Variants in MBD3 observed in about 807,000 individuals in gnomAD.
MBD3 encodes methyl-CpG-binding domain protein 3.
MBD3 carries 13 observed loss-of-function variants against 31.2 expected under a neutral mutation model. That is an observed-to-expected ratio of 0.42 (90% CI 0.27 to 0.66). The LOEUF (loss-of-function observed/expected upper bound fraction) is 0.66, where lower values mean the gene tolerates loss of function less well. MBD3 is among the 30% of genes least tolerant of loss of function. The probability of loss-of-function intolerance (pLI) is 0.26; values close to 1 mark genes in which losing one functional copy is unlikely to be tolerated. For synonymous variants in MBD3, 223 were observed against 187.4 expected (o/e 1.19, Z -1.55); for missense variants, 440 against 426.5 (o/e 1.03, Z -0.28).
chr19:1,580,570 G>A (rs771255068), intron 5 of MBD3, among the ~76,000 whole-genome samples: 21 of 152,342 alleles, frequency 1.4e-4, no homozygotes, highest in Non-Finnish European at 1.6e-4. Flanking sequence ...GTCACCAGGC[G>A]GCCTTGCGTC....
At chr19:1,581,331 G>A (rs1917349791) in intron 4 of MBD3, 62 bp from the exon 5 acceptor site, 3 of 1,535,260 alleles carry the variant, frequency 2.0e-6, no homozygotes, top group Non-Finnish European at 2.6e-6. Flanking sequence ...CTGTGGCCCA[G>A]ACAGGCCACG....
At chr19:1,587,392 C>T (rs1395039980) in intron 1 of MBD3, among the ~76,000 whole-genome samples, 1 of 151,928 alleles carries the variant, frequency 6.6e-6, no homozygotes. Flanking sequence ...AGTCATCACG[C>T]CCTGCTGCTT....
rs781053291 is a variant in MBD3, at chr19:1,592,511, C to G, written c.110+11G>C. On this transcript the variant is annotated intron_variant, in intron 1 of 6. Coordinates refer to ENST00000434436, the MANE Select transcript of MBD3 (RefSeq NM_001281453.2). ...CCGTTGAGGCCCTGCGCGGCCGGCGCGCTCATTCACCTATAGTAAAAGACA... is the reference window on the plus strand; with the variant it reads ...CCGTTGAGGCCCTGCGCGGCCGGCGGGCTCATTCACCTATAGTAAAAGACA... 3 of 1,379,732 alleles carry G rather than the reference C, an allele frequency of 2.2e-6. No individual in the cohort carries two copies. Among genetic ancestry groups the G allele is most frequent in the African/African-American group, 1.5e-5 (1 of 65,168 alleles). The allele number at this position is 1,379,732 out of a possible 1,614,324, so 85.5% of individuals were successfully genotyped here.
Position 1,575,082 on chromosome 19 carries a change from G to C in MBD3, c.*3082C>G, listed in dbSNP as rs1177760537. ...GGTACCCTCTGTGGCGGCAGCGGTG[G>C]GGAGCTTGGTCTGAGGGGAGGCGGG... On this transcript the variant is annotated 3_prime_UTR_variant, in exon 7 of 7. Transcript: ENST00000434436. 1.6e-5 allele frequency: 6 copies of C among 378,504 alleles called. No individual in the cohort carries two copies. The highest frequency in any genetic ancestry group is 3.7e-4 in the Middle Eastern group (1 of 2,702). The allele number at this position is 378,504 out of a possible 1,614,324, so 23.4% of individuals were successfully genotyped here.
chr19:1,588,984 C>T (rs992561599), intron 1 of MBD3, among the ~76,000 whole-genome samples: 1 of 152,064 alleles, frequency 6.6e-6, no homozygotes, highest in Non-Finnish European at 1.5e-5. Flanking sequence ...ACCATTGACT[C>T]GTGCACTTTA....
chr19:1,590,756 T>C (rs543131516), intron 1 of MBD3, among the ~76,000 whole-genome samples: 1 of 152,238 alleles, frequency 6.6e-6, no homozygotes, highest in Admixed American at 6.5e-5. Context: ...ACCACACGTA[T>C]AGAAAAAAGT....
intron 1 of MBD3, among the ~76,000 whole-genome samples, chr19:1,587,500 G>C (rs1725290880): frequency 6.6e-6 from 1 of 151,866 alleles, no homozygotes; most frequent in South Asian, 2.1e-4. Flanking sequence ...CTGCAGCCTT[G>C]ACCTCCTGGA....
Position 1,581,172 on chromosome 19 carries a change from G to T in MBD3, c.597C>A (p.Ala199=), listed in dbSNP as rs559906106. 6.2e-7 allele frequency: 1 copy of T among 1,614,112 alleles called. No homozygotes were observed. Among genetic ancestry groups the T allele is most frequent in the Non-Finnish European group, 8.5e-7 (1 of 1,180,036 alleles). ...TMPITGQLSA[A]VEKNPGVWLN... is the part of the protein sequence containing the mutation. ...GCCATACGCCGGGGTTCTTCTCCAC[G>T]GCGGCCGAGAGCTGTCCCGTGATGG... The change falls in exon 5 of 7, where the codon GCC becomes GCA. Residue 199 remains alanine (A), a synonymous_variant. Coordinates refer to ENST00000434436, the MANE Select transcript of MBD3 (RefSeq NM_001281453.2).
intron 3 of MBD3, among the ~76,000 whole-genome samples, chr19:1,584,037 G>A (rs935416378): frequency 1.3e-5 from 2 of 151,894 alleles, no homozygotes; most frequent in African/African-American, 4.8e-5. Flanking sequence ...GGGTCAGCCT[G>A]GTCTCAAACT....
At chr19:1,589,668 TAATG>T (rs985062297) in intron 1 of MBD3, among the ~76,000 whole-genome samples, 3 of 151,628 alleles carry the variant, frequency 2.0e-5, no homozygotes, top group African/African-American at 4.8e-5. Context: ...AAATAAATAA[TAATG>T]AACATAAAAA....
chr19:1,584,584 T>C lies in MBD3; in HGVS notation c.364A>G (p.Lys122Glu). ...VTKITNHPSN[K>E]VKSDPQKAVD... ...GCCTTCTGCGGGTCGCTCTTGACCT[T>C]GTTGCTGGGGTGGTTGGTAATCTTG... Residue 122 changes from lysine to glutamate, a missense_variant, in exon 3 of 7, where the codon AAG (lysine) becomes GAG (glutamate). By Grantham distance (56) the Lys-to-Glu change is moderately conservative (BLOSUM62 1). This residue lies in a region of MBD3 where 144 missense variants were observed against 196.9 expected (regional missense o/e 0.73). Coordinates refer to ENST00000434436, the MANE Select transcript of MBD3 (RefSeq NM_001281453.2). 1 of 1,613,884 alleles carries C rather than the reference T, an allele frequency of 6.2e-7. No individual in the cohort carries two copies. The highest frequency in any genetic ancestry group is 8.5e-7 in the Non-Finnish European group (1 of 1,179,918).
At position 1,575,569 on chromosome 19, in the gene MBD3, C is replaced by A. The variant is rs1916340353; in HGVS notation, c.*2595G>T. ...AGCATTGGGAGCTCAGGCTTCCCCG[C>A]CCCATGCCAGGTCTGGGTTCTGGGG... On this transcript the variant is annotated 3_prime_UTR_variant, in exon 7 of 7. Coordinates refer to ENST00000434436, the MANE Select transcript of MBD3 (RefSeq NM_001281453.2). 5.3e-6 allele frequency: 1 copy of A among 189,372 alleles called. No homozygotes were observed. The highest frequency in any genetic ancestry group is 2.4e-5 in the African/African-American group (1 of 41,892). 11.7% of individuals were successfully genotyped at this position (189,372 alleles called of 1,614,324 possible). A position where few individuals can be genotyped will look rare whatever the true frequency, so the allele number is the denominator to read the frequency against.
intron 1 of MBD3, among the ~76,000 whole-genome samples, chr19:1,588,239 G>T (rs1363132380): frequency 6.6e-6 from 1 of 152,152 alleles, no homozygotes; most frequent in Non-Finnish European, 1.5e-5. Flanking sequence ...AGTGCCTGGG[G>T]GTCTGAAACC....
Position 1,574,400 on chromosome 19 carries a change from T to A in MBD3, c.*3764A>T, listed in dbSNP as rs368640637. On this transcript the variant is annotated 3_prime_UTR_variant, in exon 7 of 7. Coordinates refer to ENST00000434436, the MANE Select transcript of MBD3 (RefSeq NM_001281453.2). Reference sequence around the variant, plus strand: ...CAGTCACTGGCACCCACGTGTCCCCTTCCTGTCTCTGAATCGGCCTGTCCT... The same window carrying A: ...CAGTCACTGGCACCCACGTGTCCCCATCCTGTCTCTGAATCGGCCTGTCCT... 139 of 152,410 alleles carry A rather than the reference T, an allele frequency of 9.1e-4. 4 individuals carry two copies. The South Asian group carries it at 0.028, about 30-fold the overall frequency. 9.4% of individuals were successfully genotyped at this position (152,410 alleles called of 1,614,324 possible).
chr19:1,592,624 CG>C lies in MBD3; in HGVS notation c.7del (p.Arg3GlyfsTer57). 7.5e-7 allele frequency: 1 copy of C among 1,325,726 alleles called. No individual in the cohort carries two copies. 82.1% of individuals were successfully genotyped at this position (1,325,726 alleles called of 1,614,324 possible). A position where few individuals can be genotyped will look rare whatever the true frequency, so the allele number is the denominator to read the frequency against. On this transcript the variant is annotated frameshift_variant, in exon 1 of 7. Transcript: ENST00000434436. LOFTEE classifies it high-confidence loss of function. Reference sequence around the variant, plus strand: ...GAGCGCCGGGCACTCCCACCTCTTCCGCTCCATTGCGCCCGGCTCCTCGGCC... The same window carrying C: ...GAGCGCCGGGCACTCCCACCTCTTCCCTCCATTGCGCCCGGCTCCTCGGCC... ME[R>X]KRWECPALPQ...
Position 1,585,292 on chromosome 19 carries a change from C to A in MBD3, c.111-78G>T, listed in dbSNP as rs2060673998. On this transcript the variant is annotated intron_variant, in intron 1 of 6. Transcript: ENST00000434436. The surrounding 1 kb of genome is among the most constrained non-coding windows in gnomAD (Gnocchi z 4.1). ...CAGGCCTCGGCCGCAGACCCAAACC[C>A]AGTCCCAGCCCCAGCTTCAGGTCGC... 1 of 1,479,670 alleles carries A rather than the reference C, an allele frequency of 6.8e-7. No individual in the cohort carries two copies. Among genetic ancestry groups the A allele is most frequent in the South Asian group, 1.2e-5 (1 of 81,430 alleles). The allele number at this position is 1,479,670 out of a possible 1,614,324, so 91.7% of individuals were successfully genotyped here.
intron 5 of MBD3, among the ~76,000 whole-genome samples, chr19:1,579,141 G>A (rs894260098): frequency 3.1e-5 from 4 of 131,122 alleles, no homozygotes; most frequent in African/African-American, 5.9e-5. Context: ...CTGGGATGGC[G>A]CCATTGCACT....
At chr19:1,588,657 T>C (rs953767095) in intron 1 of MBD3, among the ~76,000 whole-genome samples, 1 of 151,518 alleles carries the variant, frequency 6.6e-6, no homozygotes, top group Non-Finnish European at 1.5e-5. Flanking sequence ...GGCACGTGCC[T>C]ATAGTCCCAG....
rs1228440797 is a variant in MBD3 at position 1,585,020 on chromosome 19, C to T, written c.270+35G>A. 6.2e-7 allele frequency: 1 copy of T among 1,606,434 alleles called. No individual in the cohort carries two copies. The highest frequency in any genetic ancestry group is 1.1e-5 in the South Asian group (1 of 90,888). On this transcript the variant is annotated intron_variant, in intron 2 of 6. Transcript: ENST00000434436. This position sits in a 1 kb window ranked among gnomAD's most constrained non-coding sequence, Gnocchi z 4.1. ...GGCCGCGTCCCCGCCTAGAACGCCCCGCGCCGACGTCACCTGCGTGACGCC... is the reference window on the plus strand; with the variant it reads ...GGCCGCGTCCCCGCCTAGAACGCCCTGCGCCGACGTCACCTGCGTGACGCC...
Sources: allele counts gnomAD v4.1 joint callset (sites outside exome capture counted in the v4.1 genomes callset), GRCh38; gene constraint gnomAD v4.1.1; regional missense constraint gnomAD v4.1.1; non-coding constraint Gnocchi (gnomAD v3.1); transcripts MANE v1.5; gene names NCBI Gene and HGNC (gene_info 2026-07-23, HGNC 2026-07-21).